The following PPP2R2B variants were observed in gnomAD, a reference collection of about 807,000 sequenced individuals.
PPP2R2B encodes the protein serine/threonine-protein phosphatase 2A 55 kDa regulatory subunit B beta isoform.
Under a neutral mutation model 46.0 loss-of-function variants are expected in PPP2R2B, and 5 were observed. The ratio of observed to expected loss-of-function variants is 0.11; its 90% confidence interval spans 0.06 to 0.23. The LOEUF is 0.23. PPP2R2B is among the 10% of genes least tolerant of loss of function. The pLI is 1.00. For missense variants in PPP2R2B, 367 were observed against 575.0 expected, an observed-to-expected ratio of 0.64 and a Z score of 3.70; for synonymous variants, 215 against 206.7, an observed-to-expected ratio of 1.04 and a Z score of -0.34.
intron 2 of PPP2R2B, among the ~76,000 whole-genome samples, chr5:147,071,600 A>G (rs1156938090): frequency 6.6e-6 from 1 of 152,010 alleles, no homozygotes; most frequent in East Asian, 1.9e-4. Context: ...TGTTCCCTCT[A>G]TCTGGAACTC....
Position 146,584,984 on chromosome 5 carries a change from CATTG to C in PPP2R2B, c.*4959_*4962del, listed in dbSNP as rs752080495. The C allele has an allele frequency of 1.3e-5, 2 of 152,104 alleles. No homozygotes were observed. Among genetic ancestry groups the C allele is most frequent in the Non-Finnish European group, 2.9e-5 (2 of 68,022 alleles). 9.4% of individuals were successfully genotyped at this position (152,104 alleles called of 1,614,324 possible). A position where few individuals can be genotyped will look rare whatever the true frequency, so the allele number is the denominator to read the frequency against. On this transcript the variant is annotated 3_prime_UTR_variant, in exon 10 of 10. Transcript: ENST00000394411. ...ATTCTGAGAACCTTTTCTTATCACT[CATTG>C]ATTAACTATTTCTTCCTCTGTATGA...
intron 2 of PPP2R2B, among the ~76,000 whole-genome samples, chr5:146,793,611 C>T (rs886171689): frequency 1.3e-5 from 2 of 152,122 alleles, no homozygotes; most frequent in Admixed American, 1.3e-4. Context: ...CATATATGCT[C>T]ACCTGTGTAT....
At chr5:146,621,764 C>T (rs983640181) in intron 7 of PPP2R2B, among the ~76,000 whole-genome samples, 8 of 152,220 alleles carry the variant, frequency 5.3e-5, no homozygotes, top group African/African-American at 1.7e-4. Context: ...GGCCACTGTC[C>T]TCTGATGCAG....
At chr5:146,690,543 A>G (rs964533709) in intron 5 of PPP2R2B, among the ~76,000 whole-genome samples, 4 of 152,232 alleles carry the variant, frequency 2.6e-5, no homozygotes, top group African/African-American at 9.6e-5. Flanking sequence ...CAGACTGAGT[A>G]GAGATCATAT....
chr5:146,825,723 A>C (rs1237078402), intron 2 of PPP2R2B, among the ~76,000 whole-genome samples: 1 of 152,158 alleles, frequency 6.6e-6, no homozygotes, highest in Admixed American at 6.5e-5. Flanking sequence ...AAAGCCACTA[A>C]CTTTTTGGAA....
intron 2 of PPP2R2B, among the ~76,000 whole-genome samples, chr5:146,703,199 T>A (rs1315647640): frequency 6.6e-6 from 1 of 152,224 alleles, no homozygotes; most frequent in African/African-American, 2.4e-5. Flanking sequence ...TTCATGGGGC[T>A]TCCAAATTTG....
At chr5:146,651,392 G>T (rs1775946527) in intron 5 of PPP2R2B, among the ~76,000 whole-genome samples, 1 of 152,108 alleles carries the variant, frequency 6.6e-6, no homozygotes, top group South Asian at 2.1e-4. Flanking sequence ...TTAATGATAT[G>T]GTCACCTTAC....
intron 7 of PPP2R2B, among the ~76,000 whole-genome samples, chr5:146,622,033 T>C (rs1414953902): frequency 5.3e-5 from 8 of 152,028 alleles, no homozygotes; most frequent in Non-Finnish European, 1.2e-4. Flanking sequence ...GAAAAATACT[T>C]GTGTTCCTCT....
At chr5:147,076,416 A>G (rs1286395869) in intron 2 of PPP2R2B, among the ~76,000 whole-genome samples, 1 of 152,178 alleles carries the variant, frequency 6.6e-6, no homozygotes, top group East Asian at 1.9e-4. Flanking sequence ...TCATATATGC[A>G]TAATCAAGAG....
chr5:146,955,447 A>C (rs1751847833), intron 1 of PPP2R2B, among the ~76,000 whole-genome samples: 1 of 152,180 alleles, frequency 6.6e-6, no homozygotes. Flanking sequence ...CAATGTTTTA[A>C]ATTGTTCTGT....
In PPP2R2B at chr5:146,916,293, G is replaced by GTT. The variant is rs5871996; in HGVS notation, c.79+139370_79+139371dup. On this transcript the variant is annotated intron_variant, in intron 1 of 8. Transcript: ENST00000336640. ...AAAATTCTAACCACATGTTACCACCGTTTTTTTTTTTTTTGACGACTCAGA... is the reference window on the plus strand; with the variant it reads ...AAAATTCTAACCACATGTTACCACCGTTTTTTTTTTTTTTTTGACGACTCAGA... 3.8e-3 allele frequency among the ~76,000 whole-genome samples: 538 copies of GTT among 141,890 alleles called. 3 individuals carry two copies. Among genetic ancestry groups the GTT allele is most frequent in the South Asian group, 9.1e-3 (41 of 4,510 alleles). 93.1% of individuals were successfully genotyped at this position (141,890 alleles called of 152,430 possible).
intron 5 of PPP2R2B, among the ~76,000 whole-genome samples, chr5:146,662,132 C>A (rs1185000100): frequency 6.6e-6 from 1 of 152,122 alleles, no homozygotes; most frequent in Non-Finnish European, 1.5e-5. Context: ...TATCACACTG[C>A]ATTCTGTCAT....
intron 2 of PPP2R2B, among the ~76,000 whole-genome samples, chr5:146,712,553 T>A (rs1780271784): frequency 6.6e-6 from 1 of 152,172 alleles, no homozygotes; most frequent in Admixed American, 6.5e-5. Context: ...CATGTAGCAG[T>A]TTAGATAACA....
intron 1 of PPP2R2B, among the ~76,000 whole-genome samples, chr5:146,938,350 T>G (rs965916237): frequency 6.6e-6 from 1 of 152,194 alleles, no homozygotes; most frequent in Non-Finnish European, 1.5e-5. Flanking sequence ...TAAAATGTAC[T>G]GATTCCCTGG....
intron 1 of PPP2R2B, among the ~76,000 whole-genome samples, chr5:147,002,538 A>G (rs754474542): frequency 1.3e-5 from 2 of 149,422 alleles, no homozygotes; most frequent in Non-Finnish European, 2.9e-5. Context: ...ATGTGTCAGT[A>G]AGGGCCACTA....
intron 2 of PPP2R2B, among the ~76,000 whole-genome samples, chr5:146,725,233 T>C (rs999167139): frequency 6.6e-6 from 1 of 152,214 alleles, no homozygotes; most frequent in Non-Finnish European, 1.5e-5. Flanking sequence ...TATTTTGCTC[T>C]TTCTGGAGTG....
intron 7 of PPP2R2B, among the ~76,000 whole-genome samples, chr5:146,637,627 C>T (rs1412785782): frequency 1.3e-5 from 2 of 152,170 alleles, no homozygotes; most frequent in Non-Finnish European, 2.9e-5. Flanking sequence ...GCTGTTCACT[C>T]ACTTTGATGA....
intron 1 of PPP2R2B, among the ~76,000 whole-genome samples, chr5:146,936,782 T>C (rs1207420284): frequency 6.6e-6 from 1 of 152,020 alleles, no homozygotes; most frequent in East Asian, 1.9e-4. Context: ...GCCAGGTAAC[T>C]GGGGATCATA....
At chr5:146,699,593 G>A (rs575632533) in intron 3 of PPP2R2B, among the ~76,000 whole-genome samples, 1 of 150,602 alleles carries the variant, frequency 6.6e-6, no homozygotes, top group East Asian at 2.0e-4. Flanking sequence ...CTGGCAACAT[G>A]CTGCCTTGGG....
Sources: allele counts gnomAD v4.1 joint callset (sites outside exome capture counted in the v4.1 genomes callset), GRCh38; gene constraint gnomAD v4.1.1; transcripts MANE v1.5; gene names NCBI Gene and HGNC (gene_info 2026-07-23, HGNC 2026-07-21).